EPB41L4A: variants seen among roughly 807,000 people sequenced by gnomAD.
EPB41L4A encodes the protein erythrocyte membrane protein band 4.1 like 4A.
In EPB41L4A, 100 loss-of-function variants were observed where a neutral mutation model predicts 108.6. That is an observed-to-expected ratio of 0.92 (90% CI 0.78 to 1.09). EPB41L4A has a LOEUF of 1.09. EPB41L4A is among the 50% of genes least tolerant of loss of function. EPB41L4A has a pLI of 0.00. For missense variants in EPB41L4A, 1,030 were observed against 842.7 expected (o/e 1.22, Z -2.75); for synonymous variants, 319 against 289.0 (o/e 1.10, Z -1.05).
intron 3 of EPB41L4A, among the ~76,000 whole-genome samples, chr5:112,279,528 C>T (rs1057377396): frequency 2.6e-5 from 4 of 152,112 alleles, no homozygotes; most frequent in Non-Finnish European, 5.9e-5. Flanking sequence ...TGCACAACAA[C>T]GTAAATGTAC....
downstream of EPB41L4A, chr5:112,161,300 G>A (rs1759885273): frequency 2.8e-6 from 1 of 352,380 alleles, no homozygotes; most frequent in Non-Finnish European, 5.6e-6. Flanking sequence ...CTACAGGTGA[G>A]TTTTCACGTT....
chr5:112,386,240 T>C (rs116530650), intron 1 of EPB41L4A, among the ~76,000 whole-genome samples: 2 of 152,304 alleles, frequency 1.3e-5, no homozygotes, highest in African/African-American at 4.8e-5. Context: ...GCCTCTGAAG[T>C]GCTAACCTTG....
intron 9 of EPB41L4A, among the ~76,000 whole-genome samples, chr5:112,243,292 T>TTG (rs1561504573): frequency 6.8e-6 from 1 of 147,266 alleles, no homozygotes; most frequent in Non-Finnish European, 1.5e-5. Context: ...TATATATATA[T>TTG]TTTGTTTGTT....
At chr5:112,336,988 T>C (rs1756961543) in intron 1 of EPB41L4A, among the ~76,000 whole-genome samples, 1 of 152,154 alleles carries the variant, frequency 6.6e-6, no homozygotes, top group Non-Finnish European at 1.5e-5. Context: ...TATTTCACAG[T>C]GCCATTGAGA....
At chr5:112,291,128 A>G (rs1360147792) in intron 2 of EPB41L4A, among the ~76,000 whole-genome samples, 1 of 152,110 alleles carries the variant, frequency 6.6e-6, no homozygotes, top group Admixed American at 6.5e-5. Context: ...CAAACTGAAA[A>G]ACCAGCTCCC....
intron 2 of EPB41L4A, among the ~76,000 whole-genome samples, chr5:112,293,414 T>G (rs578105484): frequency 3.0e-4 from 44 of 147,156 alleles, no homozygotes; most frequent in African/African-American, 1.1e-3. Context: ...TTGGGTGCCA[T>G]TAACAAAGAA....
In EPB41L4A at chr5:112,262,556, G is replaced by C; in HGVS notation, c.580C>G (p.Leu194Val). 1.2e-6 allele frequency: 2 copies of C among 1,614,054 alleles called. No individual in the cohort carries two copies. The highest frequency in any genetic ancestry group is 1.7e-6 in the Non-Finnish European group (2 of 1,179,982). The change falls in exon 7 of 23, where the codon CTG (leucine) becomes GTG (valine). Residue 194 changes from leucine to valine, a missense_variant. Physicochemically the swap from Leu to Val is conservative, Grantham distance 32. Coordinates refer to ENST00000261486, the MANE Select transcript of EPB41L4A (RefSeq NM_022140.5). ...LMGQIPSEAE[L>V]NYLRTAKSLE... ...GATTTGGCAGTCCTCAAGTAATTCA[G>C]CTCAGCCTCAGAAGGAATCTGACCC...
chr5:112,229,479 T>C (rs1053664005), intron 12 of EPB41L4A, among the ~76,000 whole-genome samples: 1 of 152,152 alleles, frequency 6.6e-6, no homozygotes, highest in African/African-American at 2.4e-5. Flanking sequence ...AGTTCTTTAG[T>C]GGTGACTTCT....
chr5:112,386,202 C>T (rs1760515370), intron 1 of EPB41L4A, among the ~76,000 whole-genome samples: 1 of 152,164 alleles, frequency 6.6e-6, no homozygotes, highest in Non-Finnish European at 1.5e-5. Context: ...ATGCTGAATC[C>T]TGGAAATGTA....
intron 2 of EPB41L4A, among the ~76,000 whole-genome samples, chr5:112,290,736 T>A (rs1471528773): frequency 6.6e-6 from 1 of 152,142 alleles, no homozygotes; most frequent in Non-Finnish European, 1.5e-5. Flanking sequence ...GTGGTTAAGT[T>A]AGGGTTCATT....
intron 1 of EPB41L4A, among the ~76,000 whole-genome samples, chr5:112,389,553 T>C (rs1270382815): frequency 3.3e-5 from 5 of 152,344 alleles, no homozygotes; most frequent in Admixed American, 1.3e-4. Context: ...AGTAACCTGA[T>C]GTTAACCAGT....
chr5:112,396,571 C>T (rs771752025), intron 1 of EPB41L4A, among the ~76,000 whole-genome samples: 4 of 152,198 alleles, frequency 2.6e-5, no homozygotes, highest in Non-Finnish European at 5.9e-5. Flanking sequence ...TCTCTTGCGA[C>T]GTTATGGTCA....
chr5:112,179,897 G>T (rs778818838), intron 18 of EPB41L4A, among the ~76,000 whole-genome samples: 1 of 152,056 alleles, frequency 6.6e-6, no homozygotes, highest in Non-Finnish European at 1.5e-5. Context: ...GATTGTAACC[G>T]CAGAAAATCG....
At chr5:112,397,015 C>T (rs989514736) in intron 1 of EPB41L4A, among the ~76,000 whole-genome samples, 2 of 152,076 alleles carry the variant, frequency 1.3e-5, no homozygotes, top group Non-Finnish European at 2.9e-5. Flanking sequence ...GGGAACTGGG[C>T]TTCTAGTCTG....
intron 9 of EPB41L4A, among the ~76,000 whole-genome samples, chr5:112,254,297 A>G (rs1750911544): frequency 6.6e-6 from 1 of 152,140 alleles, no homozygotes; most frequent in Admixed American, 6.5e-5. Flanking sequence ...TCTGCTACCA[A>G]TCAGAAACAA....
chr5:112,198,810 G>C (rs1262556258), intron 15 of EPB41L4A, among the ~76,000 whole-genome samples: 1 of 151,844 alleles, frequency 6.6e-6, no homozygotes, highest in Non-Finnish European at 1.5e-5. Context: ...TCTTACCTTT[G>C]TATTGATAGA....
intron 9 of EPB41L4A, 40 bp from the exon 10 acceptor site, chr5:112,240,850 G>A: frequency 7.8e-7 from 1 of 1,281,832 alleles, no homozygotes. Flanking sequence ...TAATGACCAG[G>A]GAAGGAAGAT....
chr5:112,373,603 C>T (rs995056859), intron 1 of EPB41L4A, among the ~76,000 whole-genome samples: 10 of 152,248 alleles, frequency 6.6e-5, no homozygotes, highest in African/African-American at 2.2e-4. Flanking sequence ...AAATCCTATC[C>T]CCATTTTACG....
At chr5:112,321,823 C>T (rs187157173) in intron 1 of EPB41L4A, among the ~76,000 whole-genome samples, 1 of 152,278 alleles carries the variant, frequency 6.6e-6, no homozygotes, top group Admixed American at 6.5e-5. Context: ...ATGGTGCATA[C>T]TACTTTTTGC....
Sources: gnomAD v4.1 joint callset for allele counts (sites outside exome capture counted in the v4.1 genomes callset) on GRCh38, gnomAD v4.1.1 for gene constraint, MANE v1.5 for transcripts, NCBI Gene and HGNC (gene_info 2026-07-23, HGNC 2026-07-21) for gene names.